GEMIN4: variants seen among roughly 807,000 people sequenced by gnomAD.
GEMIN4 encodes the protein gem nuclear organelle associated protein 4.
GEMIN4 carries 59 observed loss-of-function variants against 76.8 expected under a neutral mutation model. The ratio of observed to expected loss-of-function variants is 0.77; its 90% confidence interval spans 0.62 to 0.95. GEMIN4 has a LOEUF of 0.95. GEMIN4 is among the 40% of genes least tolerant of loss of function. The pLI, the probability that GEMIN4 is intolerant of heterozygous loss-of-function variation, is 0.00. For synonymous variants in GEMIN4, 562 were observed against 559.7 expected (o/e 1.00, Z -0.06); for missense variants, 1,311 against 1,318.9 (o/e 0.99, Z 0.09).
In GEMIN4 at chr17:747,185, C is replaced by A. The variant is rs778885337; in HGVS notation, c.858G>T (p.Gln286His). ...CCTTCACCTTCTCTGCCAGCGCCTG[C>A]TGGTGGTAGGGATTCTGGGTGTCCG... is the stretch of plus-strand genomic sequence containing the variant. ...WNSDTQNPYH[Q>H]QALAEKVKEA... The change falls in exon 2 of 2, where the codon CAG becomes CAT. Residue 286 changes from glutamine to histidine, a missense_variant. Gln to His is a conservative substitution (Grantham distance 24). This residue lies in a region of GEMIN4 where 1,208 missense variants were observed against 1,166.9 expected (regional missense o/e 1.04). Coordinates refer to ENST00000319004, the MANE Select transcript of GEMIN4 (RefSeq NM_015721.3). The A allele has an allele frequency of 6.2e-7, 1 of 1,613,818 alleles. No homozygotes were observed. Among genetic ancestry groups the A allele is most frequent in the Non-Finnish European group, 8.5e-7 (1 of 1,179,880 alleles).
chr17:747,169 T>C lies in GEMIN4; in HGVS notation c.874A>G (p.Lys292Glu), dbSNP rs1974460801. ...NPYHQQALAEKVKEAERDVSL... is the reference protein window; with the variant it reads ...NPYHQQALAEEVKEAERDVSL... Reference sequence around the variant, plus strand: ...ACATCCCGTTCTGCCTCCTTCACCTTCTCTGCCAGCGCCTGCTGGTGGTAG... The same window carrying C: ...ACATCCCGTTCTGCCTCCTTCACCTCCTCTGCCAGCGCCTGCTGGTGGTAG... Residue 292 changes from lysine to glutamate, a missense_variant, in exon 2 of 2, where the codon AAG becomes GAG. Coordinates refer to ENST00000319004, the MANE Select transcript of GEMIN4 (RefSeq NM_015721.3). The C allele has an allele frequency of 6.2e-7, 1 of 1,613,752 alleles. No individual in the cohort carries two copies. Among genetic ancestry groups the C allele is most frequent in the South Asian group, 1.1e-5 (1 of 91,074 alleles).
In GEMIN4 at chr17:746,295, G is replaced by A. The variant is rs757544507; in HGVS notation, c.1748C>T (p.Thr583Ile). 5.0e-6 allele frequency: 8 copies of A among 1,613,698 alleles called. No homozygotes were observed. The highest frequency in any genetic ancestry group is 5.9e-6 in the Non-Finnish European group (7 of 1,179,900). The part of the protein sequence containing the change: ...GTHKFLAQIL[T>I]AFPALRFVEE... ...CACAAACCTAAGGGCAGGGAAGGCA[G>A]TGAGAATCTGGGCCAGGAACTTGTG... Residue 583 changes from threonine to isoleucine, a missense_variant, in exon 2 of 2, where the codon ACT becomes ATT. Coordinates refer to ENST00000319004, the MANE Select transcript of GEMIN4 (RefSeq NM_015721.3). The surrounding 1 kb of genome is among the most constrained non-coding windows in gnomAD (Gnocchi z 4.3).
chr17:752,064 G>A (rs2144210594), intron 1 of GEMIN4, 69 bp downstream of exon 1: 1 of 1,087,914 alleles, frequency 9.2e-7, no homozygotes, highest in Non-Finnish European at 1.2e-6. Context: ...GAGGAGACGC[G>A]ACGGGGCAGC....
chr17:753,115 G>A (rs974864299), upstream of GEMIN4: 10 of 149,478 alleles, frequency 6.7e-5, no homozygotes, highest in African/African-American at 2.5e-4. Flanking sequence ...CCAAAGTGGA[G>A]GAGCTGACGA....
At position 744,869 on chromosome 17, in the gene GEMIN4, G is replaced by T. The variant is rs754509330; in HGVS notation, c.3174C>A (p.Phe1058Leu). Residue 1058 changes from phenylalanine to leucine, a missense_variant, in exon 2 of 2, where the codon TTC becomes TTA. Around this residue, in one of 2 missense-constraint regions of GEMIN4, gnomAD observed 1,208 missense variants for 1,166.9 expected, o/e 1.04. Transcript: ENST00000319004. Reference sequence around the variant, plus strand: ...GGGCCCAGCTCCCCACGCCAAGTCAGAAGCTGCTCATCTTCTGCAACAGGG... The same window carrying T: ...GGGCCCAGCTCCCCACGCCAAGTCATAAGCTGCTCATCTTCTGCAACAGGG... ...RQTLLQKMSS[F>L] is the part of the protein sequence containing the mutation. 6.2e-7 allele frequency: 1 copy of T among 1,607,860 alleles called. No individual in the cohort carries two copies. The highest frequency in any genetic ancestry group is 2.2e-5 in the East Asian group (1 of 44,816).
At position 747,220 on chromosome 17, in the gene GEMIN4, CAG is replaced by C. The variant is rs1567778954; in HGVS notation, c.821_822del (p.Ser274CysfsTer37). 1 of 1,613,868 alleles carries C rather than the reference CAG, an allele frequency of 6.2e-7. No individual in the cohort carries two copies. ...GGATTCTGGGTGTCCGAGTTCCACA[CAG>C]AGATCACCGTGGCCAGTTTGTCCAG... Reference protein sequence around the residue: ...VYLDKLATVISVWNSDTQNPY... With the variant: ...VYLDKLATVIXVWNSDTQNPY... On this transcript the variant is annotated frameshift_variant, in exon 2 of 2. Transcript: ENST00000319004. LOFTEE classifies it high-confidence loss of function.
intron 1 of GEMIN4, chr17:748,383 G>C: frequency 4.1e-6 from 1 of 241,634 alleles, no homozygotes; most frequent in South Asian, 7.8e-5. Flanking sequence ...GTTCAGGAGG[G>C]AAGTAAGCTG....
intron 1 of GEMIN4, among the ~76,000 whole-genome samples, chr17:750,442 T>C (rs1904611305): frequency 6.6e-6 from 1 of 152,206 alleles, no homozygotes; most frequent in South Asian, 2.1e-4. Context: ...TCAGTAAATG[T>C]TGGTTTCCCC....
At chr17:748,225 C>G (rs77284871) in intron 1 of GEMIN4, 193 bp from the exon 2 acceptor site, 2 of 569,632 alleles carry the variant, frequency 3.5e-6, no homozygotes, top group South Asian at 2.4e-5. Flanking sequence ...GAATGGCTTC[C>G]GAGCTCTCCA....
rs1174568834 is a variant in GEMIN4, at chr17:746,424, T to C, written c.1619A>G (p.Gln540Arg). The C allele has an allele frequency of 1.2e-6, 2 of 1,613,884 alleles. No homozygotes were observed. The highest frequency in any genetic ancestry group is 2.2e-5 in the East Asian group (1 of 44,898). Residue 540 changes from glutamine to arginine, a missense_variant, in exon 2 of 2, where the codon CAG becomes CGG. Physicochemically the swap from Gln to Arg is conservative, Grantham distance 43. Coordinates refer to ENST00000319004, the MANE Select transcript of GEMIN4 (RefSeq NM_015721.3). The surrounding 1 kb of genome is among the most constrained non-coding windows in gnomAD (Gnocchi z 4.3). ...GGAGGCCACAGCTTTTGCCAAGCCC[T>C]GTTCGGAGGCACTCTGAGTGAGCTG... ...FNQLTQSASE[Q>R]GLAKAVASVA...
rs1355640547 is a variant in GEMIN4 at position 747,665 on chromosome 17, G to A, written c.378C>T (p.Ile126=). 4 of 1,613,930 alleles carry A rather than the reference G, an allele frequency of 2.5e-6. No individual in the cohort carries two copies. In the East Asian group the frequency reaches 6.7e-5, roughly 27 times the overall value. ...LKSLEASGLF[I]QLLMALPTTI... The stretch of plus-strand genomic sequence containing the variant: ...TGGTGGGCAGGGCCATCAGGAGCTG[G>A]ATAAAGAGTCCAGAAGCTTCCAGGG... Residue 126 remains isoleucine, a synonymous_variant, in exon 2 of 2, where the codon ATC becomes ATT. Transcript: ENST00000319004.
upstream of GEMIN4, chr17:752,488 A>T: frequency 2.3e-6 from 1 of 433,398 alleles, no homozygotes; most frequent in Non-Finnish European, 3.6e-6. Flanking sequence ...ATTCACCCTC[A>T]CCCGGTAACC....
In GEMIN4 at chr17:747,501, TG is replaced by T. The variant is rs747756572; in HGVS notation, c.541del (p.Gln181SerfsTer13). On this transcript the variant is annotated frameshift_variant, in exon 2 of 2. Transcript: ENST00000319004. LOFTEE classifies it high-confidence loss of function. ...GTACTTATGGGCCATTGCACTAAAC[TG>T]GGAGAGCAGGGGGTCCTGCGGGTGA... Reference protein sequence around the residue: ...KGHPQDPLLSQFSAMAHKYLP... With the variant: ...KGHPQDPLLSXFSAMAHKYLP... 4 of 1,613,732 alleles carry T rather than the reference TG, an allele frequency of 2.5e-6. No individual in the cohort carries two copies. The highest frequency in any genetic ancestry group is 3.4e-6 in the Non-Finnish European group (4 of 1,179,820).
At chr17:749,368 G>A (rs1904506871) in intron 1 of GEMIN4, 1 of 146,588 alleles carries the variant, frequency 6.8e-6, no homozygotes, top group African/African-American at 3.5e-5. Flanking sequence ...AATGGGCACA[G>A]CAGCAATCAC....
At chr17:753,696 TG>T (rs1904870948), upstream of GEMIN4, 1 of 152,444 alleles carries the variant, frequency 6.6e-6, no homozygotes, top group African/African-American at 2.4e-5. Flanking sequence ...TGTATGGTTT[TG>T]GGTGGAGTTC....
Position 745,055 on chromosome 17 carries a change from C to T in GEMIN4, c.2988G>A (p.Glu996=), listed in dbSNP as rs755039861. 6.2e-7 allele frequency: 1 copy of T among 1,613,802 alleles called. No individual in the cohort carries two copies. The highest frequency in any genetic ancestry group is 8.5e-7 in the Non-Finnish European group (1 of 1,179,856). The part of the protein sequence containing the change: ...ALHIMAMLHP[E]VCEPLYVLAL... ...CTAAAACGTAGAGTGGCTCACAGAC[C>T]TCCGGGTGGAGCATGGCCATGATGT... Residue 996 remains glutamate (E), a synonymous_variant, in exon 2 of 2, where the codon GAG becomes GAA. Coordinates refer to ENST00000319004, the MANE Select transcript of GEMIN4 (RefSeq NM_015721.3). This position sits in a 1 kb window ranked among gnomAD's most constrained non-coding sequence, Gnocchi z 4.6.
In GEMIN4 at chr17:752,144, G is replaced by A; in HGVS notation, c.-2C>T. On this transcript the variant is annotated 5_prime_UTR_variant, in exon 1 of 2. Transcript: ENST00000319004. ...GCCGCGGCACCCACCTAGGTCCATG[G>A]CGGCGACGCCGGCGGCTGCGCGGGG... is the stretch of plus-strand genomic sequence containing the variant. 1.6e-6 allele frequency: 2 copies of A among 1,238,954 alleles called. No individual in the cohort carries two copies. The highest frequency in any genetic ancestry group is 8.0e-5 in the South Asian group (2 of 24,856). 76.7% of individuals were successfully genotyped at this position (1,238,954 alleles called of 1,614,324 possible). A position where few individuals can be genotyped will look rare whatever the true frequency, so the allele number is the denominator to read the frequency against.
chr17:747,332 G>C lies in GEMIN4; in HGVS notation c.711C>G (p.Cys237Trp). 6.2e-7 allele frequency: 1 copy of C among 1,613,778 alleles called. No individual in the cohort carries two copies. Among genetic ancestry groups the C allele is most frequent in the Non-Finnish European group, 8.5e-7 (1 of 1,179,894 alleles). ...QSRILGPGRK[C>W]CALANLADML... ...TGTCAGCCAGGTTGGCCAGCGCACA[G>C]CACTTCCTCCCCGGGCCCAGGATCC... The change falls in exon 2 of 2, where the codon TGC becomes TGG. Residue 237 changes from cysteine (C) to tryptophan (W), a missense_variant. Cys to Trp is a radical substitution (Grantham distance 215, BLOSUM62 -2). This residue lies in a region of GEMIN4 where 1,208 missense variants were observed against 1,166.9 expected (regional missense o/e 1.04). Transcript: ENST00000319004.
Position 752,135 on chromosome 17 carries a change from AG to A in GEMIN4, c.7del (p.Leu3Ter). The A allele has an allele frequency of 8.1e-7, 1 of 1,239,682 alleles. No homozygotes were observed. The highest frequency in any genetic ancestry group is 1.0e-6 in the Non-Finnish European group (1 of 991,502). The allele number at this position is 1,239,682 out of a possible 1,614,324, so 76.8% of individuals were successfully genotyped here. A position where few individuals can be genotyped will look rare whatever the true frequency, so the allele number is the denominator to read the frequency against. MD[L>X]GPLNICEEMT... ...GGCCGGGGAGCCGCGGCACCCACCT[AG>A]GTCCATGGCGGCGACGCCGGCGGCT... On this transcript the variant is annotated frameshift_variant, in exon 1 of 2. Transcript: ENST00000319004. LOFTEE classifies it high-confidence loss of function.
Sources: allele counts gnomAD v4.1 joint callset (sites outside exome capture counted in the v4.1 genomes callset), GRCh38; gene constraint gnomAD v4.1.1; regional missense constraint gnomAD v4.1.1; non-coding constraint Gnocchi (gnomAD v3.1); transcripts MANE v1.5; gene names NCBI Gene and HGNC (gene_info 2026-07-23, HGNC 2026-07-21).